The following RNF215 variants were observed in gnomAD, a reference collection of about 807,000 sequenced individuals.
RNF215 encodes ring finger protein 215.
A neutral mutation model predicts 44.8 loss-of-function variants in RNF215; 41 were observed. The observed-to-expected ratio is 0.92, with a 90% CI of 0.71 to 1.19. The LOEUF is 1.19. Ranked by LOEUF, RNF215 falls within the 50% of genes most tolerant of loss-of-function variation. The probability of loss-of-function intolerance (pLI) is 0.00; values close to 1 mark genes in which losing one functional copy is unlikely to be tolerated. For missense variants in RNF215, 452 were observed against 496.2 expected (o/e 0.91, Z 0.85); for synonymous variants, 218 against 230.1 (o/e 0.95, Z 0.48).
intron 2 of RNF215, among the ~76,000 whole-genome samples, chr22:30,386,410 T>C (rs975359298): frequency 6.6e-6 from 1 of 152,096 alleles, no homozygotes; most frequent in Admixed American, 6.5e-5. Context: ...CAGAGCCTGG[T>C]CAAGCTTCTC....
rs1357638387 is a variant in RNF215, at chr22:30,387,208, G to C, written c.106C>G (p.Leu36Val). Reference protein sequence around the residue: ...LLPLLPLWLGLAGPGAAADGS... With the variant: ...LLPLLPLWLGVAGPGAAADGS... ...TCCGCCGCGGCCCCGGGCCCCGCCA[G>C]GCCCAGCCACAGCGGCAGCAGGGGC... The change falls in exon 1 of 9, where the codon CTG becomes GTG. Residue 36 changes from leucine to valine, a missense_variant. By Grantham distance (32) the Leu-to-Val change is conservative. Transcript: ENST00000382363. 1 of 1,019,428 alleles carries C rather than the reference G, an allele frequency of 9.8e-7. No homozygotes were observed. Among genetic ancestry groups the C allele is most frequent in the African/African-American group, 1.7e-5 (1 of 57,540 alleles). The allele number at this position is 1,019,428 out of a possible 1,614,324, so 63.1% of individuals were successfully genotyped here. A position where few individuals can be genotyped will look rare whatever the true frequency, so the allele number is the denominator to read the frequency against.
At chr22:30,384,317 C>T in intron 5 of RNF215, 22 bp downstream of exon 5, 14 of 1,605,924 alleles carry the variant, frequency 8.7e-6, no homozygotes, top group Non-Finnish European at 1.1e-5. Flanking sequence ...CCCTAGGCCC[C>T]ATGTAATCTG....
In RNF215 at chr22:30,387,343, G is replaced by A; in HGVS notation, c.-30C>T. 1 of 1,049,330 alleles carries A rather than the reference G, an allele frequency of 9.5e-7. No homozygotes were observed. Among genetic ancestry groups the A allele is most frequent in the Non-Finnish European group, 1.1e-6 (1 of 872,108 alleles). 65.0% of individuals were successfully genotyped at this position (1,049,330 alleles called of 1,614,324 possible). ...GGACCCGGCGAGCTGGCCCAACAGT[G>A]GGGCCAGGGGTCCCGGGCGCGGGGG... On this transcript the variant is annotated 5_prime_UTR_variant, in exon 1 of 9. Transcript: ENST00000382363.
chr22:30,386,525 C>T (rs1933602006), intron 2 of RNF215, 91 bp downstream of exon 2: 3 of 1,483,022 alleles, frequency 2.0e-6, no homozygotes, highest in Non-Finnish European at 2.7e-6. Context: ...TCTCTGCAAG[C>T]TCTTAAGGGC....
intron 7 of RNF215, 99 bp from the exon 8 acceptor site, chr22:30,379,912 C>G: frequency 6.6e-7 from 1 of 1,514,908 alleles, no homozygotes; most frequent in Non-Finnish European, 9.1e-7. Context: ...GAACTGAAAC[C>G]TCACGGCTTC....
At chr22:30,384,218 G>C in intron 5 of RNF215, 121 bp downstream of exon 5, 1 of 1,099,224 alleles carries the variant, frequency 9.1e-7, no homozygotes. Context: ...CTCCTGTGGG[G>C]TGGGAAAGGC....
chr22:30,387,342 TG>T lies in RNF215; in HGVS notation c.-30del. ...CGGACCCGGCGAGCTGGCCCAACAG[TG>T]GGGCCAGGGGTCCCGGGCGCGGGGG... On this transcript the variant is annotated 5_prime_UTR_variant, in exon 1 of 9. Coordinates refer to ENST00000382363, the MANE Select transcript of RNF215 (RefSeq NM_001017981.2). The T allele has an allele frequency of 9.6e-7, 1 of 1,042,342 alleles. No individual in the cohort carries two copies. The highest frequency in any genetic ancestry group is 1.7e-5 in the African/African-American group (1 of 57,196). The allele number at this position is 1,042,342 out of a possible 1,614,324, so 64.6% of individuals were successfully genotyped here.
intron 1 of RNF215, 125 bp downstream of exon 1, chr22:30,386,904 C>A: frequency 2.0e-6 from 3 of 1,476,708 alleles, no homozygotes; most frequent in Non-Finnish European, 2.7e-6. Context: ...GCCTGGGGAG[C>A]CTGGGGAGGG....
chr22:30,382,286 C>A (rs1322101407), intron 5 of RNF215, among the ~76,000 whole-genome samples: 3 of 151,968 alleles, frequency 2.0e-5, no homozygotes, highest in Admixed American at 1.3e-4. Context: ...TGCCTGTAGT[C>A]CCGCTTACTA....
Position 30,384,480 on chromosome 22 carries a change from C to T in RNF215, c.603G>A (p.Thr201=), listed in dbSNP as rs761938572. 22 of 1,613,642 alleles carry T rather than the reference C, an allele frequency of 1.4e-5. No individual in the cohort carries two copies. The highest frequency in any genetic ancestry group is 1.6e-4 in the Middle Eastern group (1 of 6,078). ...GGGACTCTCCGCTGGTGATCTCAGC[C>T]GTGGCCTGGGTCCTCCTGGGAGGGG... The part of the protein sequence containing the change: ...LDALLQRTQA[T]AEITSGESLS... Residue 201 remains threonine (T), a synonymous_variant, in exon 5 of 9, where the codon ACG becomes ACA. Transcript: ENST00000382363.
chr22:30,381,405 G>C (rs1933528107), intron 5 of RNF215, among the ~76,000 whole-genome samples: 1 of 152,184 alleles, frequency 6.6e-6, no homozygotes, highest in Non-Finnish European at 1.5e-5. Flanking sequence ...GCCTCAGAGT[G>C]ACTGAGGGAA....
intron 5 of RNF215, among the ~76,000 whole-genome samples, 184 bp downstream of exon 5, chr22:30,384,155 C>A (rs1217132124): frequency 6.6e-6 from 1 of 152,212 alleles, no homozygotes; most frequent in Admixed American, 6.5e-5. Flanking sequence ...TGACCTGGCC[C>A]AGGCGCCCCA....
At chr22:30,384,222 G>C in intron 5 of RNF215, 117 bp downstream of exon 5, 1 of 1,167,482 alleles carries the variant, frequency 8.6e-7, no homozygotes, top group Non-Finnish European at 1.2e-6. Context: ...TGTGGGGTGG[G>C]AAAGGCCGTC....
intron 1 of RNF215, 88 bp from the exon 2 acceptor site, chr22:30,386,847 T>C: frequency 1.3e-6 from 2 of 1,516,188 alleles, no homozygotes; most frequent in Non-Finnish European, 1.8e-6. Context: ...AAGGCCAGAG[T>C]TCCCAGAGCA....
intron 5 of RNF215, among the ~76,000 whole-genome samples, chr22:30,381,822 CA>C (rs1342046730): frequency 2.6e-5 from 4 of 152,214 alleles, no homozygotes; most frequent in Non-Finnish European, 4.4e-5. Context: ...CTCCCCTCTC[CA>C]TCCTGCTCTC....
At chr22:30,379,689 G>A (rs1188401318) in intron 8 of RNF215, 22 bp downstream of exon 8, 1 of 1,553,068 alleles carries the variant, frequency 6.4e-7, no homozygotes, top group Non-Finnish European at 8.7e-7. Context: ...GTAGGCCGAG[G>A]GACCCCACCC....
intron 4 of RNF215, among the ~76,000 whole-genome samples, chr22:30,385,135 C>T (rs2145986339): frequency 6.6e-6 from 1 of 151,066 alleles, no homozygotes; most frequent in Admixed American, 6.6e-5. Context: ...TTAAAGCTAA[C>T]AGTTGGCTGG....
rs1485418882 is a variant in RNF215 at position 30,385,753 on chromosome 22, C to G, written c.587+151G>C. 5 of 667,476 alleles carry G rather than the reference C, an allele frequency of 7.5e-6. No individual in the cohort carries two copies. The Admixed American group carries it at 1.3e-4, about 17-fold the overall frequency. The allele number at this position is 667,476 out of a possible 1,614,324, so 41.3% of individuals were successfully genotyped here. A position where few individuals can be genotyped will look rare whatever the true frequency, so the allele number is the denominator to read the frequency against. ...TGAGCCGAGATTGCGCCACTGCACT[C>G]CAGCCTGGGCAACACGAGTGATACT... On this transcript the variant is annotated intron_variant, in intron 4 of 8. Transcript: ENST00000382363.
chr22:30,385,889 T>G lies in RNF215; in HGVS notation c.587+15A>C, dbSNP rs759385799. On this transcript the variant is annotated intron_variant, in intron 4 of 8. Coordinates refer to ENST00000382363, the MANE Select transcript of RNF215 (RefSeq NM_001017981.2). ...TACCCAGGGTCAGTCCTTTGAAGTCTAAATACCAACTCACTGCAGCAATGC... is the reference window on the plus strand; with the variant it reads ...TACCCAGGGTCAGTCCTTTGAAGTCGAAATACCAACTCACTGCAGCAATGC... The G allele has an allele frequency of 6.2e-7, 1 of 1,612,810 alleles. No homozygotes were observed. The highest frequency in any genetic ancestry group is 1.3e-5 in the African/African-American group (1 of 74,810).
Sources: gnomAD v4.1 joint callset for allele counts (sites outside exome capture counted in the v4.1 genomes callset) on GRCh38, gnomAD v4.1.1 for gene constraint, MANE v1.5 for transcripts, NCBI Gene and HGNC (gene_info 2026-07-23, HGNC 2026-07-21) for gene names.